C17orf113: variants seen among roughly 807,000 people sequenced by gnomAD.
The protein encoded by C17orf113 is uncharacterized protein C17orf113.
A neutral mutation model predicts 11.6 loss-of-function variants in C17orf113; 5 were observed. The ratio of observed to expected loss-of-function variants is 0.43; its 90% confidence interval spans 0.23 to 0.91. C17orf113 has a LOEUF of 0.91. C17orf113 is among the 40% of genes least tolerant of loss of function. The pLI is 0.26. For synonymous variants in C17orf113, 327 were observed against 390.6 expected, an observed-to-expected ratio of 0.84 and a Z score of 1.92; for missense variants, 714 against 841.3, an observed-to-expected ratio of 0.85 and a Z score of 1.87.
intron 1 of C17orf113, among the ~76,000 whole-genome samples, chr17:42,046,250 T>C (rs553348149): frequency 6.6e-6 from 1 of 152,148 alleles, no homozygotes; most frequent in South Asian, 2.1e-4. Context: ...CGTAAGTCCC[T>C]GTCTGGGGCT....
chr17:42,039,684 G>C lies in C17orf113; in HGVS notation c.*21C>G, dbSNP rs2052957788. 1 of 1,232,224 alleles carries C rather than the reference G, an allele frequency of 8.1e-7. No individual in the cohort carries two copies. Among genetic ancestry groups the C allele is most frequent in the Admixed American group, 4.2e-5 (1 of 23,710 alleles). The allele number at this position is 1,232,224 out of a possible 1,614,324, so 76.3% of individuals were successfully genotyped here. On this transcript the variant is annotated 3_prime_UTR_variant, in exon 3 of 3. Coordinates refer to ENST00000587304, the MANE Select transcript of C17orf113 (RefSeq NM_001358661.2). The stretch of plus-strand genomic sequence containing the variant: ...GTGCCCAGGGCCCCAGGCTGGATGG[G>C]CCGAGGGAAGGAGGCCACCCTCAGG...
chr17:42,042,546 C>A (rs1294670784), intron 2 of C17orf113, among the ~76,000 whole-genome samples: 1 of 151,936 alleles, frequency 6.6e-6, no homozygotes, highest in Non-Finnish European at 1.5e-5. Flanking sequence ...TTAAATACAT[C>A]TGTGGGTCAA....
intron 1 of C17orf113, among the ~76,000 whole-genome samples, chr17:42,047,175 G>A (rs1173955233): frequency 6.6e-6 from 1 of 152,110 alleles, no homozygotes; most frequent in East Asian, 1.9e-4. Flanking sequence ...GGGACTACAG[G>A]TGCCCGCCAC....
intron 2 of C17orf113, among the ~76,000 whole-genome samples, chr17:42,042,633 T>C (rs2053052305): frequency 6.6e-6 from 1 of 152,202 alleles, no homozygotes; most frequent in Non-Finnish European, 1.5e-5. Context: ...CTAAGAGGCC[T>C]GGTCTGGCCT....
chr17:42,044,727 C>A (rs1406674674), intron 1 of C17orf113, among the ~76,000 whole-genome samples: 1 of 152,086 alleles, frequency 6.6e-6, no homozygotes, highest in Non-Finnish European at 1.5e-5. Flanking sequence ...GGTGAACACA[C>A]ACTCACACTC....
chr17:42,047,383 C>A (rs749459744), intron 1 of C17orf113, among the ~76,000 whole-genome samples: 2 of 152,012 alleles, frequency 1.3e-5, no homozygotes. Context: ...CCGTGTTGAC[C>A]AGGCTGATCT....
At chr17:42,049,359 C>G (rs1216974155) in intron 1 of C17orf113, among the ~76,000 whole-genome samples, 3 of 152,020 alleles carry the variant, frequency 2.0e-5, no homozygotes, top group East Asian at 1.9e-4. Flanking sequence ...GCTTCATCCT[C>G]TCTCCACCCC....
At chr17:42,046,275 C>A (rs375628956) in intron 1 of C17orf113, among the ~76,000 whole-genome samples, 1 of 152,016 alleles carries the variant, frequency 6.6e-6, no homozygotes, top group African/African-American at 2.4e-5. Flanking sequence ...ACACAGATAC[C>A]TCTCAGTAAA....
Position 42,043,420 on chromosome 17 carries a change from T to G in C17orf113, c.-44A>C, listed in dbSNP as rs962601480. The G allele has an allele frequency of 1.3e-5, 16 of 1,229,608 alleles. No individual in the cohort carries two copies. Among genetic ancestry groups the G allele is most frequent in the Non-Finnish European group, 1.5e-5 (15 of 986,196 alleles). The allele number at this position is 1,229,608 out of a possible 1,614,324, so 76.2% of individuals were successfully genotyped here. On this transcript the variant is annotated 5_prime_UTR_variant, in exon 2 of 3. Transcript: ENST00000587304. Reference sequence around the variant, plus strand: ...GAACCCCCAACCCCCACCTGAATGCTCTTGCCCCCCTGCCTCCCCCACACA... The same window carrying G: ...GAACCCCCAACCCCCACCTGAATGCGCTTGCCCCCCTGCCTCCCCCACACA...
chr17:42,044,948 C>T (rs138483591), intron 1 of C17orf113, among the ~76,000 whole-genome samples: 6,330 of 145,802 alleles, frequency 0.043, 461 homozygotes, highest in African/African-American at 0.15. Flanking sequence ...GACAGAGGCT[C>T]ACTCTGTGGC....
In C17orf113 at chr17:42,040,945, G is replaced by A. The variant is rs967522226; in HGVS notation, c.788C>T (p.Ala263Val). ...TGAGCTGAGCCAGGCCAGCTTGGGTGCAGATACGCCGAAAGCCTGCAGGAT... is the reference window on the plus strand; with the variant it reads ...TGAGCTGAGCCAGGCCAGCTTGGGTACAGATACGCCGAAAGCCTGCAGGAT... ...LDILQAFGVSAPKLAWLSSSL... is the reference protein window; with the variant it reads ...LDILQAFGVSVPKLAWLSSSL... Residue 263 changes from alanine (A) to valine (V), a missense_variant, in exon 3 of 3, where the codon GCA becomes GTA. Ala to Val is a moderately conservative substitution (Grantham distance 64). Around this residue, in one of 3 missense-constraint regions of C17orf113, gnomAD observed 516 missense variants for 626.6 expected, o/e 0.82. Coordinates refer to ENST00000587304, the MANE Select transcript of C17orf113 (RefSeq NM_001358661.2). 11 of 1,232,152 alleles carry A rather than the reference G, an allele frequency of 8.9e-6. No individual in the cohort carries two copies. Among genetic ancestry groups the A allele is most frequent in the African/African-American group, 7.8e-5 (5 of 64,430 alleles). The allele number at this position is 1,232,152 out of a possible 1,614,324, so 76.3% of individuals were successfully genotyped here. A position where few individuals can be genotyped will look rare whatever the true frequency, so the allele number is the denominator to read the frequency against.
At chr17:42,041,738 A>G (rs528054401) in intron 2 of C17orf113, among the ~76,000 whole-genome samples, 4 of 152,004 alleles carry the variant, frequency 2.6e-5, no homozygotes, top group Admixed American at 1.3e-4. Context: ...CTGTTTCTCT[A>G]TTTGTCATCT....
chr17:42,040,993 G>A lies in C17orf113; in HGVS notation c.740C>T (p.Ala247Val). The change falls in exon 3 of 3, where the codon GCC becomes GTC. Residue 247 changes from alanine (A) to valine (V), a missense_variant. Around this residue, in one of 3 missense-constraint regions of C17orf113, gnomAD observed 516 missense variants for 626.6 expected, o/e 0.82. Transcript: ENST00000587304. Reference protein sequence around the residue: ...LGSVELQEGEATAGQLLDILQ... With the variant: ...LGSVELQEGEVTAGQLLDILQ... Reference sequence around the variant, plus strand: ...GATGTCCAAGAGCTGGCCAGCAGTGGCCTCGCCCTCCTGTAGCTCCACACT... The same window carrying A: ...GATGTCCAAGAGCTGGCCAGCAGTGACCTCGCCCTCCTGTAGCTCCACACT... The A allele has an allele frequency of 8.1e-7, 1 of 1,232,298 alleles. No homozygotes were observed. The highest frequency in any genetic ancestry group is 1.0e-6 in the Non-Finnish European group (1 of 988,040). The allele number at this position is 1,232,298 out of a possible 1,614,324, so 76.3% of individuals were successfully genotyped here.
At chr17:42,048,096 C>A (rs949346265) in intron 1 of C17orf113, among the ~76,000 whole-genome samples, 5 of 152,114 alleles carry the variant, frequency 3.3e-5, no homozygotes, top group Admixed American at 1.3e-4. Flanking sequence ...TCTCCTCCCC[C>A]CCTTCCCAAC....
Position 42,038,803 on chromosome 17 carries a change from G to C in C17orf113, c.*902C>G, listed in dbSNP as rs1407065081. 2 of 152,230 alleles carry C rather than the reference G, an allele frequency of 1.3e-5. No individual in the cohort carries two copies. The highest frequency in any genetic ancestry group is 2.9e-5 in the Non-Finnish European group (2 of 68,066). 9.4% of individuals were successfully genotyped at this position (152,230 alleles called of 1,614,324 possible). A position where few individuals can be genotyped will look rare whatever the true frequency, so the allele number is the denominator to read the frequency against. On this transcript the variant is annotated 3_prime_UTR_variant, in exon 3 of 3. Coordinates refer to ENST00000587304, the MANE Select transcript of C17orf113 (RefSeq NM_001358661.2). Reference sequence around the variant, plus strand: ...CTGAGGCTGCCTATTGGTGAGGAGGGAAGGAAGGGAACCACTATCTCTCTG... The same window carrying C: ...CTGAGGCTGCCTATTGGTGAGGAGGCAAGGAAGGGAACCACTATCTCTCTG...
In C17orf113 at chr17:42,043,431, T is replaced by G; in HGVS notation, c.-55A>C. 8.2e-7 allele frequency: 1 copy of G among 1,223,972 alleles called. No homozygotes were observed. The highest frequency in any genetic ancestry group is 1.0e-6 in the Non-Finnish European group (1 of 981,116). 75.8% of individuals were successfully genotyped at this position (1,223,972 alleles called of 1,614,324 possible). A position where few individuals can be genotyped will look rare whatever the true frequency, so the allele number is the denominator to read the frequency against. ...CCCCACCTGAATGCTCTTGCCCCCCTGCCTCCCCCACACACAGGCACCTCC... is the reference window on the plus strand; with the variant it reads ...CCCCACCTGAATGCTCTTGCCCCCCGGCCTCCCCCACACACAGGCACCTCC... On this transcript the variant is annotated 5_prime_UTR_variant, in exon 2 of 3. Transcript: ENST00000587304.
At chr17:42,048,281 T>C (rs1187212193) in intron 1 of C17orf113, among the ~76,000 whole-genome samples, 1 of 151,042 alleles carries the variant, frequency 6.6e-6, no homozygotes, top group East Asian at 2.0e-4. Context: ...CTCACACCTG[T>C]AATCCTAGCA....
Position 42,043,216 on chromosome 17 carries a change from C to T in C17orf113, c.161G>A (p.Arg54Gln), listed in dbSNP as rs782320364. 414 of 1,232,130 alleles carry T rather than the reference C, an allele frequency of 3.4e-4. No homozygotes were observed. The highest frequency in any genetic ancestry group is 6.2e-4 in the Middle Eastern group (2 of 3,230). 76.3% of individuals were successfully genotyped at this position (1,232,130 alleles called of 1,614,324 possible). A position where few individuals can be genotyped will look rare whatever the true frequency, so the allele number is the denominator to read the frequency against. ...FCLECRQALVRNKHGKAENAF... is the reference protein window; with the variant it reads ...FCLECRQALVQNKHGKAENAF... ...GTTTTCGGCTTTGCCATGCTTGTTC[C>T]GTACCAGGGCCTGGCGGCACTCGAG... Residue 54 changes from arginine to glutamine, a missense_variant, in exon 2 of 3, where the codon CGG becomes CAG. Physicochemically the swap from Arg to Gln is conservative, Grantham distance 43. Transcript: ENST00000587304.
Position 42,039,909 on chromosome 17 carries a change from G to A in C17orf113, c.1824C>T (p.Pro608=), listed in dbSNP as rs918051410. The A allele has an allele frequency of 3.2e-6, 4 of 1,231,230 alleles. No homozygotes were observed. Among genetic ancestry groups the A allele is most frequent in the Non-Finnish European group, 4.1e-6 (4 of 987,614 alleles). The allele number at this position is 1,231,230 out of a possible 1,614,324, so 76.3% of individuals were successfully genotyped here. The change falls in exon 3 of 3, where the codon CCC becomes CCT. Residue 608 remains proline, a synonymous_variant. Coordinates refer to ENST00000587304, the MANE Select transcript of C17orf113 (RefSeq NM_001358661.2). ...AALAALALAL[P]AGAGLLDKVG... ...CCTTGTCCAGCAGGCCAGCGCCCGC[G>A]GGCAGCGCCAAAGCCAAGGCGGCTA...
Sources: allele counts gnomAD v4.1 joint callset (sites outside exome capture counted in the v4.1 genomes callset), GRCh38; gene constraint gnomAD v4.1.1; regional missense constraint gnomAD v4.1.1; transcripts MANE v1.5; gene names NCBI Gene and HGNC (gene_info 2026-07-23, HGNC 2026-07-21).